The following DCC variants were observed in gnomAD, a reference collection of about 807,000 sequenced individuals.
The protein encoded by DCC is netrin receptor DCC.
A neutral mutation model predicts 172.5 loss-of-function variants in DCC; 58 were observed. That is an observed-to-expected ratio of 0.34 (90% CI 0.27 to 0.42). The LOEUF is 0.42. DCC is among the 10% of genes least tolerant of loss of function. The pLI is 1.00. For synonymous variants in DCC, 709 were observed against 644.5 expected, an observed-to-expected ratio of 1.10 and a Z score of -1.52; for missense variants, 1,740 against 1,791.0, an observed-to-expected ratio of 0.97 and a Z score of 0.51.
chr18:52,769,277 C>T lies in DCC; in HGVS notation c.412+16903C>T, dbSNP rs181696668. On this transcript the variant is annotated intron_variant, in intron 2 of 28. Coordinates refer to ENST00000442544, the MANE Select transcript of DCC (RefSeq NM_005215.4). Reference sequence around the variant, plus strand: ...CTGACTTTTGGGCATTCTAATTAGACGCATAGTGGTATTTCACTGTTATTT... The same window carrying T: ...CTGACTTTTGGGCATTCTAATTAGATGCATAGTGGTATTTCACTGTTATTT... Among the ~76,000 whole-genome samples, 41 of 152,252 alleles carry T rather than the reference C, an allele frequency of 2.7e-4. No homozygotes were observed. The East Asian group carries it at 5.4e-3, about 20-fold the overall frequency.
chr18:53,395,783 C>A (rs1436431942), intron 17 of DCC, among the ~76,000 whole-genome samples: 1 of 152,156 alleles, frequency 6.6e-6, no homozygotes, highest in Non-Finnish European at 1.5e-5. Context: ...GCTTGGACTA[C>A]AGGTGCATGC....
At chr18:52,792,219 T>C (rs2037785055) in intron 2 of DCC, among the ~76,000 whole-genome samples, 1 of 152,168 alleles carries the variant, frequency 6.6e-6, no homozygotes, top group South Asian at 2.1e-4. Flanking sequence ...CCTCTGTTCC[T>C]AGAAAATCCC....
chr18:52,745,345 A>T (rs8097243), intron 1 of DCC, among the ~76,000 whole-genome samples: 1 of 152,102 alleles, frequency 6.6e-6, no homozygotes, highest in African/African-American at 2.4e-5. Context: ...AATCCAGGCC[A>T]CCAGATGTTT....
intron 26 of DCC, among the ~76,000 whole-genome samples, chr18:53,492,709 C>T (rs1344339141): frequency 6.6e-6 from 1 of 152,142 alleles, no homozygotes; most frequent in Non-Finnish European, 1.5e-5. Context: ...GTTACTGTAG[C>T]CTTGTAGAAT....
intron 5 of DCC, among the ~76,000 whole-genome samples, chr18:53,028,502 A>T (rs369606712): frequency 6.6e-6 from 1 of 152,178 alleles, no homozygotes; most frequent in African/African-American, 2.4e-5. Context: ...ACCAGAAATT[A>T]TATAGTTATA....
At chr18:53,403,074 GCACACACACACACACACACACACACACA>G (rs3059148) in intron 19 of DCC, among the ~76,000 whole-genome samples, 181 bp downstream of exon 19, 1 of 145,804 alleles carries the variant, frequency 6.9e-6, no homozygotes, top group Admixed American at 6.9e-5. Flanking sequence ...TTCTAATGGT[GCACACACACACACACACACACACACACA>G]CACACACACA....
intron 20 of DCC, among the ~76,000 whole-genome samples, chr18:53,415,815 T>G (rs1910281082): frequency 1.9e-5 from 1 of 52,562 alleles, no homozygotes; most frequent in Non-Finnish European, 7.4e-5. Flanking sequence ...TGCATGCAGT[T>G]TTTTTTTACT....
At chr18:53,527,392 A>G (rs533839988) in intron 28 of DCC, among the ~76,000 whole-genome samples, 11 of 152,072 alleles carry the variant, frequency 7.2e-5, no homozygotes, top group Admixed American at 5.2e-4. Context: ...TTATACAGTT[A>G]TTCTCTAAAA....
intron 7 of DCC, among the ~76,000 whole-genome samples, chr18:53,113,309 G>A (rs1331238216): frequency 6.6e-6 from 1 of 151,382 alleles, no homozygotes; most frequent in South Asian, 2.1e-4. Context: ...TTTTTATGTA[G>A]TTGGATATAA....
intron 1 of DCC, among the ~76,000 whole-genome samples, chr18:52,513,009 G>C (rs1000077037): frequency 5.9e-5 from 9 of 152,138 alleles, no homozygotes; most frequent in African/African-American, 2.2e-4. Context: ...AGAAAATATA[G>C]ATCCTTGTGG....
At chr18:52,973,221 T>G (rs1193812317) in intron 5 of DCC, among the ~76,000 whole-genome samples, 1 of 152,200 alleles carries the variant, frequency 6.6e-6, no homozygotes, top group Non-Finnish European at 1.5e-5. Context: ...TAGCAATGTA[T>G]TTTTAAATTG....
At chr18:53,401,771 G>C (rs1303347155) in intron 18 of DCC, among the ~76,000 whole-genome samples, 1 of 152,170 alleles carries the variant, frequency 6.6e-6, no homozygotes, top group Non-Finnish European at 1.5e-5. Flanking sequence ...GGCATTGTGA[G>C]CTACCCAGAA....
chr18:53,464,746 C>T (rs768876341), intron 24 of DCC, among the ~76,000 whole-genome samples: 14 of 151,400 alleles, frequency 9.2e-5, no homozygotes, highest in Middle Eastern at 3.5e-3. Flanking sequence ...TTTGGGAGGC[C>T]GAGGTGTGCG....
In DCC at chr18:52,603,187, A is replaced by G. The variant is rs545584724; in HGVS notation, c.92-148867A>G. On this transcript the variant is annotated intron_variant, in intron 1 of 28. Coordinates refer to ENST00000442544, the MANE Select transcript of DCC (RefSeq NM_005215.4). ...GGAGACTGAAAAGCTGATATTTACA[A>G]TAAGATGACTATAGGGAAACCAAGA... Among the ~76,000 whole-genome samples the G allele has an allele frequency of 9.9e-5, 15 of 152,164 alleles. 1 individual carries two copies. In the South Asian group the frequency reaches 2.9e-3, roughly 29 times the overall value.
chr18:53,072,053 C>T (rs4254388), intron 7 of DCC, among the ~76,000 whole-genome samples: 36,301 of 151,888 alleles, frequency 0.24, 4,539 homozygotes, highest in East Asian at 0.37. Context: ...CAGTTGAACC[C>T]GGAGGGCAGA....
intron 12 of DCC, among the ~76,000 whole-genome samples, chr18:53,257,050 T>TC (rs2056526712): frequency 6.6e-6 from 1 of 152,098 alleles, no homozygotes; most frequent in African/African-American, 2.4e-5. Flanking sequence ...TGTGATTTTT[T>TC]CACATTGATT....
chr18:53,317,134 T>C (rs1326793372), intron 13 of DCC, among the ~76,000 whole-genome samples: 1 of 141,522 alleles, frequency 7.1e-6, no homozygotes, highest in Non-Finnish European at 1.5e-5. Context: ...ACCTAGTTTA[T>C]TGAAAGTTTT....
At position 53,202,534 on chromosome 18, in the gene DCC, T is replaced by G. The variant is rs140791147; in HGVS notation, c.1574-2682T>G. Among the ~76,000 whole-genome samples, 9 of 152,314 alleles carry G rather than the reference T, an allele frequency of 5.9e-5. No individual in the cohort carries two copies. In the East Asian group the frequency reaches 1.2e-3, roughly 20 times the overall value. On this transcript the variant is annotated intron_variant, in intron 9 of 28. Transcript: ENST00000442544. ...AATCATTATTTTGTAACCACCATGCTAGAAATGGACTCCATCAAGAACCAT... is the reference window on the plus strand; with the variant it reads ...AATCATTATTTTGTAACCACCATGCGAGAAATGGACTCCATCAAGAACCAT...
At chr18:52,892,236 G>T (rs535175372) in intron 2 of DCC, among the ~76,000 whole-genome samples, 1 of 152,188 alleles carries the variant, frequency 6.6e-6, no homozygotes, top group African/African-American at 2.4e-5. Flanking sequence ...CAATGTTGTT[G>T]CTGATTCTAT....
Sources: gnomAD v4.1 joint callset for allele counts (sites outside exome capture counted in the v4.1 genomes callset) on GRCh38, gnomAD v4.1.1 for gene constraint, MANE v1.5 for transcripts, NCBI Gene and HGNC (gene_info 2026-07-23, HGNC 2026-07-21) for gene names.